The following CCSER1 variants were observed in gnomAD, a reference collection of about 807,000 sequenced individuals.
CCSER1 encodes the protein coiled-coil serine rich protein 1, also known as serine-rich coiled-coil domain-containing protein 1.
A neutral mutation model predicts 82.0 loss-of-function variants in CCSER1; 41 were observed. The observed-to-expected ratio is 0.50, with a 90% CI of 0.39 to 0.65. The LOEUF is 0.65. Among genes scored for constraint, CCSER1 ranks in the 30% least tolerant of loss-of-function variants. CCSER1 has a pLI of 0.00. For synonymous variants in CCSER1, 414 were observed against 383.9 expected, an observed-to-expected ratio of 1.08 and a Z score of -0.92; for missense variants, 1,119 against 1,064.2, an observed-to-expected ratio of 1.05 and a Z score of -0.72.
chr4:90,407,996 A>AAC (rs1560468554), intron 4 of CCSER1, among the ~76,000 whole-genome samples: 40 of 152,164 alleles, frequency 2.6e-4, no homozygotes, highest in African/African-American at 7.2e-4. Flanking sequence ...TATCCCGCGC[A>AAC]TGGCTCAGAG....
intron 9 of CCSER1, among the ~76,000 whole-genome samples, chr4:90,957,249 C>CCCA (rs1733554022): frequency 6.8e-6 from 1 of 146,712 alleles, no homozygotes; most frequent in African/African-American, 2.5e-5. Context: ...TTACAGGCCC[C>CCCA]CCCCACCACG....
At chr4:91,052,593 A>G (rs1219932423) in intron 9 of CCSER1, among the ~76,000 whole-genome samples, 7 of 152,098 alleles carry the variant, frequency 4.6e-5, no homozygotes, top group African/African-American at 1.7e-4. Flanking sequence ...TGATAGCAAA[A>G]GATGCAGGAG....
intron 10 of CCSER1, among the ~76,000 whole-genome samples, chr4:91,131,265 AG>A (rs1353747715): frequency 4.0e-5 from 6 of 151,464 alleles, no homozygotes; most frequent in African/African-American, 1.5e-4. Flanking sequence ...GATCAAATTA[AG>A]GGTGATGTAC....
chr4:90,760,247 A>G (rs1271208536), intron 7 of CCSER1, among the ~76,000 whole-genome samples: 1 of 151,994 alleles, frequency 6.6e-6, no homozygotes, highest in Admixed American at 6.6e-5. Flanking sequence ...CTGTTCATGT[A>G]TTATATGAAT....
At chr4:91,055,164 C>T (rs1433700051) in intron 9 of CCSER1, among the ~76,000 whole-genome samples, 1 of 151,878 alleles carries the variant, frequency 6.6e-6, no homozygotes, top group African/African-American at 2.4e-5. Context: ...AATTATATAG[C>T]TATTTGCTTT....
intron 3 of CCSER1, among the ~76,000 whole-genome samples, chr4:90,363,038 C>T (rs535696342): frequency 6.6e-6 from 1 of 152,156 alleles, no homozygotes; most frequent in African/African-American, 2.4e-5. Flanking sequence ...ATGAGCTTAT[C>T]AGTATTAAGT....
At chr4:90,960,580 A>G (rs1473392486) in intron 9 of CCSER1, among the ~76,000 whole-genome samples, 1 of 152,134 alleles carries the variant, frequency 6.6e-6, no homozygotes, top group African/African-American at 2.4e-5. Context: ...CAGCTCAGAC[A>G]GATTTAGTTG....
chr4:90,921,693 G>A (rs1728402144), intron 8 of CCSER1, among the ~76,000 whole-genome samples: 1 of 151,934 alleles, frequency 6.6e-6, no homozygotes, highest in Non-Finnish European at 1.5e-5. Context: ...GTGAGCTGTG[G>A]CATAATGGAA....
At chr4:90,525,237 T>C (rs1409900578) in intron 5 of CCSER1, among the ~76,000 whole-genome samples, 1 of 152,180 alleles carries the variant, frequency 6.6e-6, no homozygotes, top group Non-Finnish European at 1.5e-5. Context: ...TTAGAACAAC[T>C]TCCTTTTATC....
In CCSER1 at chr4:90,606,833, C is replaced by A. The variant is rs566943793; in HGVS notation, c.1725-21192C>A. ...TATGAGGGTTTCTGTGACACTCATA[C>A]AGATAAACTAGGTCCATAATGTATA... is the stretch of plus-strand genomic sequence containing the variant. On this transcript the variant is annotated intron_variant, in intron 5 of 10. Coordinates refer to ENST00000509176, the MANE Select transcript of CCSER1 (RefSeq NM_001145065.2). 2.6e-5 allele frequency among the ~76,000 whole-genome samples: 4 copies of A among 152,274 alleles called. No homozygotes were observed. The South Asian group carries it at 8.3e-4, about 32-fold the overall frequency.
At chr4:91,347,522 C>T (rs766927061) in intron 10 of CCSER1, among the ~76,000 whole-genome samples, 2 of 151,444 alleles carry the variant, frequency 1.3e-5, no homozygotes, top group African/African-American at 2.4e-5. Context: ...ACTGAGATTT[C>T]GGCTGGGATT....
chr4:90,526,648 C>T (rs939974481), intron 5 of CCSER1, among the ~76,000 whole-genome samples: 9 of 152,060 alleles, frequency 5.9e-5, no homozygotes, highest in South Asian at 2.1e-4. Flanking sequence ...TGTGTTAGTT[C>T]GCTGAGAATG....
chr4:90,569,112 AT>A (rs1410323987), intron 5 of CCSER1, among the ~76,000 whole-genome samples: 5 of 151,574 alleles, frequency 3.3e-5, no homozygotes, highest in Non-Finnish European at 5.9e-5. Context: ...TTTGCTTTTT[AT>A]TTTTTGTGTA....
chr4:90,476,547 AT>A (rs369588944), intron 5 of CCSER1, among the ~76,000 whole-genome samples: 471 of 151,424 alleles, frequency 3.1e-3, no homozygotes, highest in African/African-American at 0.011. Context: ...AATCTTCTGT[AT>A]TTTTTTTTAT....
intron 6 of CCSER1, among the ~76,000 whole-genome samples, chr4:90,719,059 C>G (rs755567994): frequency 5.0e-4 from 76 of 152,100 alleles, no homozygotes; most frequent in African/African-American, 1.3e-3. Flanking sequence ...CCACGGACCA[C>G]TGGTCCGTGG....
intron 5 of CCSER1, among the ~76,000 whole-genome samples, chr4:90,543,681 T>G (rs1463021030): frequency 6.6e-6 from 1 of 152,124 alleles, no homozygotes; most frequent in African/African-American, 2.4e-5. Context: ...TGTTTCTGTA[T>G]CTCACAAGAA....
chr4:90,763,135 A>T (rs768680564), intron 7 of CCSER1, among the ~76,000 whole-genome samples: 1 of 151,998 alleles, frequency 6.6e-6, no homozygotes, highest in Non-Finnish European at 1.5e-5. Flanking sequence ...ACCAACCAAA[A>T]CAACTCTCTA....
intron 1 of CCSER1, among the ~76,000 whole-genome samples, chr4:90,292,996 T>C (rs1218984714): frequency 1.3e-5 from 2 of 151,938 alleles, no homozygotes; most frequent in African/African-American, 4.8e-5. Context: ...TGATATAAGA[T>C]AGTTTTTTCA....
At chr4:90,610,918 G>T (rs1785385047) in intron 5 of CCSER1, among the ~76,000 whole-genome samples, 1 of 151,916 alleles carries the variant, frequency 6.6e-6, no homozygotes, top group South Asian at 2.1e-4. Flanking sequence ...TGCTCTTGTT[G>T]CCCAGGCTGG....
Sources: allele counts gnomAD v4.1 joint callset (sites outside exome capture counted in the v4.1 genomes callset), GRCh38; gene constraint gnomAD v4.1.1; transcripts MANE v1.5; gene names NCBI Gene and HGNC (gene_info 2026-07-23, HGNC 2026-07-21).